Variants in RAB38 observed in about 807,000 individuals in gnomAD.
RAB38 encodes the protein RAB38, member RAS oncogene family.
RAB38 carries 15 observed loss-of-function variants against 18.4 expected under a neutral mutation model. The observed-to-expected ratio is 0.82, with a 90% CI of 0.55 to 1.26. The LOEUF (loss-of-function observed/expected upper bound fraction) is 1.26. RAB38 is among the 50% of genes most tolerant of loss of function. The probability of loss-of-function intolerance (pLI) is 0.00; values close to 1 mark genes in which losing one functional copy is unlikely to be tolerated. For missense variants in RAB38, 294 were observed against 267.4 expected, an observed-to-expected ratio of 1.10 and a Z score of -0.69; for synonymous variants, 101 against 104.4, an observed-to-expected ratio of 0.97 and a Z score of 0.20.
the RAB38 span, among the ~76,000 whole-genome samples, chr11:88,101,115 A>G: frequency 2.0e-5 from 3 of 151,964 alleles, no homozygotes; most frequent in Non-Finnish European, 4.4e-5. Context: ...ACACACCTGG[A>G]AAGGCCTTCT....
chr11:88,117,945 C>A (rs1942578459), intron 2 of RAB38, among the ~76,000 whole-genome samples: 1 of 152,184 alleles, frequency 6.6e-6, no homozygotes, highest in African/African-American at 2.4e-5. Flanking sequence ...GCCTTCCATT[C>A]CTTCATTTTG....
At chr11:87,946,756 T>A in the RAB38 span, among the ~76,000 whole-genome samples, 1 of 150,896 alleles carries the variant, frequency 6.6e-6, no homozygotes, top group South Asian at 2.1e-4. Context: ...TTCCATGGTG[T>A]ATATGTGCCA....
chr11:88,092,757 A>G, the RAB38 span, among the ~76,000 whole-genome samples: 1 of 151,786 alleles, frequency 6.6e-6, no homozygotes, highest in African/African-American at 2.4e-5. Context: ...AAATTAATAT[A>G]AGTACCCTAA....
rs543411483 is a variant in RAB38 at position 88,150,246 on chromosome 11, A to G, written c.203-291T>C. 1.2e-3 allele frequency among the ~76,000 whole-genome samples: 186 copies of G among 152,330 alleles called. 1 individual carries two copies. The highest frequency in any genetic ancestry group is 4.2e-3 in the African/African-American group (176 of 41,578). On this transcript the variant is annotated intron_variant, in intron 1 of 2. Coordinates refer to ENST00000243662, the MANE Select transcript of RAB38 (RefSeq NM_022337.3). ...CCAGTAGCCACATATGGCTATTTAA[A>G]TTAAATGAACAAAAACTAAACAAAA...
Position 88,163,001 on chromosome 11 carries a change from C to A in RAB38, c.202+12182G>T, listed in dbSNP as rs35931355. On this transcript the variant is annotated intron_variant, in intron 1 of 2. Coordinates refer to ENST00000243662, the MANE Select transcript of RAB38 (RefSeq NM_022337.3). ...TCCACCTTCTTGGAGACTTTTATGA[C>A]TGCCTGGACTCACACTCATCTCTTC... Among the ~76,000 whole-genome samples, 71 of 152,212 alleles carry A rather than the reference C, an allele frequency of 4.7e-4. 1 individual carries two copies. Among genetic ancestry groups the A allele is most frequent in the African/African-American group, 1.5e-3 (62 of 41,552 alleles).
At chr11:88,012,301 G>A in the RAB38 span, among the ~76,000 whole-genome samples, 6 of 152,132 alleles carry the variant, frequency 3.9e-5, no homozygotes, top group African/African-American at 1.4e-4. Context: ...GAAGGACACT[G>A]GAGGAAGTAA....
intron 2 of RAB38, among the ~76,000 whole-genome samples, chr11:88,142,482 C>A (rs1404704518): frequency 6.6e-6 from 1 of 152,164 alleles, no homozygotes; most frequent in Non-Finnish European, 1.5e-5. Context: ...ACAGCCAGCC[C>A]ATGGTGTCAT....
chr11:87,892,458 C>A, the RAB38 span, among the ~76,000 whole-genome samples: 3 of 151,824 alleles, frequency 2.0e-5, no homozygotes, highest in East Asian at 3.9e-4. Flanking sequence ...CAGATTCATC[C>A]TCCACAATGA....
intron 1 of RAB38, among the ~76,000 whole-genome samples, chr11:88,161,321 C>A (rs1943187644): frequency 6.6e-6 from 1 of 152,082 alleles, no homozygotes; most frequent in Non-Finnish European, 1.5e-5. Flanking sequence ...TACTCCCACT[C>A]TGTTCAATAA....
the RAB38 span, among the ~76,000 whole-genome samples, chr11:87,820,176 T>C: frequency 2.7e-3 from 417 of 152,286 alleles, 15 homozygotes; most frequent in Admixed American, 0.025. Context: ...CTAAGGACAA[T>C]TGCCAAACCA....
the RAB38 span, among the ~76,000 whole-genome samples, chr11:87,912,792 G>A: frequency 1.6e-5 from 1 of 63,204 alleles, no homozygotes; most frequent in Non-Finnish European, 4.0e-5. Context: ...AGTTCCTTCA[G>A]GTAGAAGTTT....
chr11:87,892,419 G>A, the RAB38 span, among the ~76,000 whole-genome samples: 1 of 151,796 alleles, frequency 6.6e-6, no homozygotes, highest in South Asian at 2.1e-4. Flanking sequence ...TGTAATAGCT[G>A]TATAACTGGA....
At chr11:87,977,768 T>C in the RAB38 span, among the ~76,000 whole-genome samples, 4 of 112,380 alleles carry the variant, frequency 3.6e-5, no homozygotes, top group East Asian at 5.5e-4. Context: ...TATTATATTA[T>C]AGTTATATAT....
At chr11:88,062,755 T>C in the RAB38 span, among the ~76,000 whole-genome samples, 1 of 152,218 alleles carries the variant, frequency 6.6e-6, no homozygotes, top group Non-Finnish European at 1.5e-5. Flanking sequence ...TTTGCAACCT[T>C]CAGCAAGTCT....
At chr11:87,903,900 A>T in the RAB38 span, among the ~76,000 whole-genome samples, 1 of 150,764 alleles carries the variant, frequency 6.6e-6, no homozygotes, top group Non-Finnish European at 1.5e-5. Flanking sequence ...ATTATTCCTG[A>T]TATTGGTATT....
chr11:87,975,073 G>A, the RAB38 span, among the ~76,000 whole-genome samples: 1 of 151,776 alleles, frequency 6.6e-6, no homozygotes, highest in African/African-American at 2.4e-5. Context: ...GCATTCCTTA[G>A]CTTATAGACA....
chr11:87,810,095 A>G, the RAB38 span, among the ~76,000 whole-genome samples: 10 of 152,166 alleles, frequency 6.6e-5, no homozygotes, highest in African/African-American at 2.4e-4. Flanking sequence ...TGGATTGTCT[A>G]TTATCATACA....
chr11:87,819,554 A>C, the RAB38 span, among the ~76,000 whole-genome samples: 1 of 151,974 alleles, frequency 6.6e-6, no homozygotes, highest in African/African-American at 2.4e-5. Context: ...TTACATTAAA[A>C]ATTAATTTCC....
rs533619288 is a variant in RAB38, at chr11:88,154,531, C to T, written c.203-4576G>A. ...CCCCTGAGATTGTGGTGTAGCAGGG[C>T]CCTCTTTGCTCTACTCCCAGGCAGA... is the stretch of plus-strand genomic sequence containing the variant. On this transcript the variant is annotated intron_variant, in intron 1 of 2. Transcript: ENST00000243662. Among the ~76,000 whole-genome samples, 5 of 152,320 alleles carry T rather than the reference C, an allele frequency of 3.3e-5. No individual in the cohort carries two copies. The East Asian group carries it at 9.6e-4, about 29-fold the overall frequency.
Sources: gnomAD v4.1 joint callset for allele counts (sites outside exome capture counted in the v4.1 genomes callset) on GRCh38, gnomAD v4.1.1 for gene constraint, MANE v1.5 for transcripts, NCBI Gene and HGNC (gene_info 2026-07-23, HGNC 2026-07-21) for gene names.